The following SH3D19 variants were observed in gnomAD, a reference collection of about 807,000 sequenced individuals.
The protein encoded by SH3D19 is SH3 domain-containing protein 19.
Under a neutral mutation model 112.1 loss-of-function variants are expected in SH3D19, and 58 were observed. The observed-to-expected ratio is 0.52, with a 90% CI of 0.42 to 0.64. SH3D19 has a LOEUF of 0.64. Ranked by LOEUF, SH3D19 falls within the 30% of genes least tolerant of loss-of-function variation. The probability of loss-of-function intolerance (pLI) is 0.00; values close to 1 mark genes in which losing one functional copy is unlikely to be tolerated. For missense variants in SH3D19, 1,090 were observed against 1,263.4 expected, an observed-to-expected ratio of 0.86 and a Z score of 2.08; for synonymous variants, 391 against 448.5, an observed-to-expected ratio of 0.87 and a Z score of 1.62.
At chr4:151,212,381 GC>G (rs1191894807) in intron 2 of SH3D19, among the ~76,000 whole-genome samples, 1 of 152,132 alleles carries the variant, frequency 6.6e-6, no homozygotes, top group Non-Finnish European at 1.5e-5. Context: ...CTGCCCTCAA[GC>G]AATCCTCCTG....
At chr4:151,246,591 G>GCCC (rs1241146104) in intron 1 of SH3D19, among the ~76,000 whole-genome samples, 1 of 152,144 alleles carries the variant, frequency 6.6e-6, no homozygotes, top group Non-Finnish European at 1.5e-5. Flanking sequence ...TTATGGCACT[G>GCCC]TTCTTTACAA....
chr4:151,137,885 T>G (rs1752181690), intron 13 of SH3D19, 23 bp from the exon 14 acceptor site: 1 of 1,571,648 alleles, frequency 6.4e-7, no homozygotes, highest in Non-Finnish European at 8.6e-7. Context: ...ATTATAGTTA[T>G]GTATGATGAA....
intron 2 of SH3D19, among the ~76,000 whole-genome samples, chr4:151,196,323 G>A (rs993050072): frequency 1.3e-5 from 2 of 152,180 alleles, no homozygotes; most frequent in African/African-American, 4.8e-5. Flanking sequence ...CAGTTACTTG[G>A]GAGGCTGAGG....
At chr4:151,126,221 C>T (rs1322551818) in intron 19 of SH3D19, among the ~76,000 whole-genome samples, 1 of 152,128 alleles carries the variant, frequency 6.6e-6, no homozygotes, top group African/African-American at 2.4e-5. Context: ...CACTGTTGCT[C>T]GGCCTTTTTC....
At chr4:151,186,092 G>A (rs952714675) in intron 3 of SH3D19, among the ~76,000 whole-genome samples, 1 of 152,098 alleles carries the variant, frequency 6.6e-6, no homozygotes, top group Non-Finnish European at 1.5e-5. Context: ...CATTCTCCTC[G>A]GGGTGGTAAC....
chr4:151,237,777 G>A (rs1770242096), intron 1 of SH3D19, among the ~76,000 whole-genome samples: 2 of 152,178 alleles, frequency 1.3e-5, no homozygotes. Flanking sequence ...ATAATATTGT[G>A]GGCAGAATTA....
At chr4:151,179,423 T>C in intron 3 of SH3D19, 26 bp from the exon 4 acceptor site, 2 of 1,217,694 alleles carry the variant, frequency 1.6e-6, no homozygotes, top group East Asian at 6.4e-5. Context: ...TAAACTGGTA[T>C]AGTACAAAAT....
Position 151,158,696 on chromosome 4 carries a change from A to T in SH3D19, c.1755+544T>A, listed in dbSNP as rs568680096. On this transcript the variant is annotated intron_variant, in intron 9 of 19. Transcript: ENST00000604030. ...AGTTGGAAGACCAAAAAAAAAAAAT[A>T]AATAAAAGTATTGAGGATATTGAAG... 6.9e-3 allele frequency among the ~76,000 whole-genome samples: 1,000 copies of T among 144,324 alleles called. 8 individuals are homozygous for T. Among genetic ancestry groups the T allele is most frequent in the Non-Finnish European group, 0.012 (756 of 65,386 alleles). 94.7% of individuals were successfully genotyped at this position (144,324 alleles called of 152,430 possible).
intron 1 of SH3D19, among the ~76,000 whole-genome samples, chr4:151,249,788 C>G (rs6535781): frequency 0.33 from 49,858 of 152,000 alleles, 9,490 homozygotes; most frequent in Non-Finnish European, 0.44. Context: ...CCTCTTTCAG[C>G]AATTAGTTAA....
At chr4:151,310,040 T>A (rs1729289990) in intron 1 of SH3D19, among the ~76,000 whole-genome samples, 1 of 151,014 alleles carries the variant, frequency 6.6e-6, no homozygotes, top group South Asian at 2.1e-4. Context: ...TCCCAGCACT[T>A]TGGGAGGCTG....
intron 2 of SH3D19, among the ~76,000 whole-genome samples, chr4:151,214,470 C>CA (rs2064770119): frequency 1.0e-5 from 1 of 99,772 alleles, no homozygotes; most frequent in Non-Finnish European, 2.5e-5. Flanking sequence ...GCTGACCCCC[C>CA]ACCTCCCTCC....
At chr4:151,162,673 C>A (rs368021613) in intron 8 of SH3D19, among the ~76,000 whole-genome samples, 11 of 148,756 alleles carry the variant, frequency 7.4e-5, no homozygotes, top group African/African-American at 2.5e-4. Flanking sequence ...CAGCTCAACA[C>A]AACCTCCAAA....
At chr4:151,156,552 T>A (rs1039487764) in intron 9 of SH3D19, among the ~76,000 whole-genome samples, 1 of 152,156 alleles carries the variant, frequency 6.6e-6, no homozygotes, top group Non-Finnish European at 1.5e-5. Flanking sequence ...TTGACAAAAG[T>A]GCCAAGAACA....
chr4:151,131,296 CT>C (rs1416091762), intron 17 of SH3D19, among the ~76,000 whole-genome samples: 2 of 37,476 alleles, frequency 5.3e-5, no homozygotes, highest in Non-Finnish European at 2.6e-4. Context: ...TGTACTTTCT[CT>C]CTTTTTTTTT....
chr4:151,243,695 CAT>C (rs1356420841), intron 1 of SH3D19, among the ~76,000 whole-genome samples: 1 of 152,168 alleles, frequency 6.6e-6, no homozygotes, highest in Non-Finnish European at 1.5e-5. Flanking sequence ...AGATCTGTAT[CAT>C]ATGTCTCCAG....
intron 1 of SH3D19, among the ~76,000 whole-genome samples, chr4:151,321,005 C>T (rs572782203): frequency 4.3e-4 from 65 of 152,250 alleles, no homozygotes; most frequent in South Asian, 1.0e-3. Context: ...TACACCACAG[C>T]ACTCCAGCCT....
chr4:151,127,476 T>C (rs567382436), intron 19 of SH3D19, 142 bp downstream of exon 19: 11 of 525,704 alleles, frequency 2.1e-5, no homozygotes, highest in Non-Finnish European at 3.3e-5. Context: ...CTTTCTCTAA[T>C]GTCTTCCCCT....
intron 2 of SH3D19, among the ~76,000 whole-genome samples, chr4:151,206,159 G>A (rs554167311): frequency 6.6e-5 from 10 of 152,206 alleles, no homozygotes; most frequent in Non-Finnish European, 1.3e-4. Context: ...ATCTTAAATA[G>A]TATCAGAAAA....
At chr4:151,196,518 G>C (rs890846627) in intron 2 of SH3D19, among the ~76,000 whole-genome samples, 1 of 150,374 alleles carries the variant, frequency 6.7e-6, no homozygotes, top group Non-Finnish European at 1.5e-5. Flanking sequence ...AAGAGGAAAA[G>C]ATATTAGCTT....
Sources: gnomAD v4.1 joint callset for allele counts (sites outside exome capture counted in the v4.1 genomes callset) on GRCh38, gnomAD v4.1.1 for gene constraint, MANE v1.5 for transcripts, NCBI Gene and HGNC (gene_info 2026-07-23, HGNC 2026-07-21) for gene names.